PPA2: variants seen among roughly 807,000 people sequenced by gnomAD.
PPA2 encodes inorganic pyrophosphatase 2, mitochondrial.
PPA2 carries 48 observed loss-of-function variants against 49.5 expected under a neutral mutation model. That is an observed-to-expected ratio of 0.97 (90% CI 0.77 to 1.23). PPA2 has a LOEUF of 1.23. Among genes scored for constraint, PPA2 ranks in the 50% most tolerant of loss-of-function variants. The pLI, the probability that PPA2 is intolerant of heterozygous loss-of-function variation, is 0.00. For synonymous variants in PPA2, 131 were observed against 139.9 expected, an observed-to-expected ratio of 0.94 and a Z score of 0.45; for missense variants, 429 against 410.1, an observed-to-expected ratio of 1.05 and a Z score of -0.40.
Position 105,424,304 on chromosome 4 carries a change from C to T in PPA2, c.547G>A (p.Val183Ile), listed in dbSNP as rs767473451. 1.3e-6 allele frequency: 2 copies of T among 1,596,830 alleles called. No individual in the cohort carries two copies. Among genetic ancestry groups the T allele is most frequent in the Non-Finnish European group, 1.7e-6 (2 of 1,175,780 alleles). ...IGSKILSCGE[V>I]IHVKILGILA... ...ATTCCAAGGATCTTCACATGAATAACTTCTCCACAAGAAAGAATCTTTAAA... is the reference window on the plus strand; with the variant it reads ...ATTCCAAGGATCTTCACATGAATAATTTCTCCACAAGAAAGAATCTTTAAA... The change falls in exon 7 of 12, where the codon GTT (valine) becomes ATT (isoleucine). Residue 183 changes from valine (V) to isoleucine (I), a missense_variant. Val to Ile is a conservative substitution (Grantham distance 29). Coordinates refer to ENST00000341695, the MANE Select transcript of PPA2 (RefSeq NM_176869.3).
At chr4:105,449,501 G>C in intron 3 of PPA2, 98 bp from the exon 4 acceptor site, 2 of 680,010 alleles carry the variant, frequency 2.9e-6, no homozygotes, top group South Asian at 4.6e-5. Context: ...GTTTTCCCCC[G>C]ACAAAAAAAA....
chr4:105,449,366 G>T lies in PPA2; in HGVS notation c.305C>A (p.Thr102Lys). ...FNMIVEIPRW[T>K]NAKMEIATKE... ...TATCGGTACCTCCATTTTAGCATTT[G>T]TCCACCGAGGTATTTCTACAATCAT... The change falls in exon 4 of 12, where the codon ACA becomes AAA. Residue 102 changes from threonine (T) to lysine (K), a missense_variant. Coordinates refer to ENST00000341695, the MANE Select transcript of PPA2 (RefSeq NM_176869.3). 1.3e-6 allele frequency: 2 copies of T among 1,557,620 alleles called. No homozygotes were observed. Among genetic ancestry groups the T allele is most frequent in the Non-Finnish European group, 1.8e-6 (2 of 1,141,632 alleles).
intron 7 of PPA2, among the ~76,000 whole-genome samples, chr4:105,419,947 TTTTC>T (rs999998481): frequency 2.1e-4 from 26 of 121,604 alleles, no homozygotes; most frequent in African/African-American, 6.1e-4. Context: ...AACAGCTTCT[TTTTC>T]TTTCTTTTTT....
At chr4:105,411,295 G>A (rs915434675) in intron 7 of PPA2, among the ~76,000 whole-genome samples, 4 of 152,006 alleles carry the variant, frequency 2.6e-5, no homozygotes, top group South Asian at 2.1e-4. Context: ...AAACCAACAC[G>A]GATCAAAAGA....
At chr4:105,385,955 C>T (rs1469544479) in intron 10 of PPA2, among the ~76,000 whole-genome samples, 2 of 149,466 alleles carry the variant, frequency 1.3e-5, no homozygotes, top group African/African-American at 4.9e-5. Context: ...TCTTAGTTCA[C>T]TGCAACCTTT....
rs530962105 is a variant in PPA2, at chr4:105,435,156, CTA to C, written c.528+2792_528+2793del. 1.4e-3 allele frequency among the ~76,000 whole-genome samples: 212 copies of C among 152,280 alleles called. 2 individuals are homozygous for C. The highest frequency in any genetic ancestry group is 5.1e-3 in the African/African-American group (210 of 41,550). ...CGGTGTTAAAAGTGACTTCCTACCA[CTA>C]TGTTTCTTACAGCTGATTCAACCAC... is the stretch of plus-strand genomic sequence containing the variant. On this transcript the variant is annotated intron_variant, in intron 6 of 11. Coordinates refer to ENST00000341695, the MANE Select transcript of PPA2 (RefSeq NM_176869.3).
At chr4:105,383,600 T>C (rs1733577129) in intron 10 of PPA2, among the ~76,000 whole-genome samples, 1 of 152,188 alleles carries the variant, frequency 6.6e-6, no homozygotes, top group Admixed American at 6.5e-5. Context: ...GTTAACCATA[T>C]TCTAAAATCT....
intron 10 of PPA2, among the ~76,000 whole-genome samples, chr4:105,376,219 C>T (rs2713833): frequency 0.59 from 89,089 of 151,998 alleles, 26,285 homozygotes; most frequent in East Asian, 0.68. Context: ...TGATGTTAAC[C>T]GTCACTGGGA....
chr4:105,383,452 C>T (rs988171299), intron 10 of PPA2, among the ~76,000 whole-genome samples: 5 of 152,024 alleles, frequency 3.3e-5, no homozygotes, highest in African/African-American at 7.2e-5. Flanking sequence ...CAATTTGTTT[C>T]GTCTCAATGT....
At chr4:105,445,940 A>G (rs1722362210) in intron 5 of PPA2, among the ~76,000 whole-genome samples, 1 of 152,188 alleles carries the variant, frequency 6.6e-6, no homozygotes, top group Non-Finnish European at 1.5e-5. Context: ...GTGCAATTCA[A>G]TTTACAATGA....
chr4:105,466,584 C>G (rs192605621), intron 1 of PPA2, among the ~76,000 whole-genome samples: 1 of 152,206 alleles, frequency 6.6e-6, no homozygotes, highest in Non-Finnish European at 1.5e-5. Flanking sequence ...GAAGGAGAGG[C>G]TGAGGCAATT....
intron 6 of PPA2, among the ~76,000 whole-genome samples, chr4:105,435,142 G>A (rs1723990254): frequency 1.3e-5 from 2 of 152,104 alleles, no homozygotes; most frequent in African/African-American, 4.8e-5. Context: ...GGTGTTAAAA[G>A]TGACTTCCTA....
intron 7 of PPA2, among the ~76,000 whole-genome samples, chr4:105,419,127 T>C (rs911258356): frequency 4.1e-5 from 6 of 147,712 alleles, no homozygotes; most frequent in African/African-American, 1.6e-4. Context: ...AAAATGGTCT[T>C]AGTGCTCTGT....
Position 105,446,365 on chromosome 4 carries a change from T to C in PPA2, c.441+18A>G. On this transcript the variant is annotated intron_variant, in intron 5 of 11. Coordinates refer to ENST00000341695, the MANE Select transcript of PPA2 (RefSeq NM_176869.3). ...TTCAGAAGACAGGAACATTTTACCA[T>C]TGTAACAAAAATGTTACCTGAGGGA... is the stretch of plus-strand genomic sequence containing the variant. 3.2e-6 allele frequency: 5 copies of C among 1,539,704 alleles called. No homozygotes were observed. The highest frequency in any genetic ancestry group is 4.4e-6 in the Non-Finnish European group (5 of 1,144,048).
At chr4:105,414,039 T>A (rs1217730263) in intron 7 of PPA2, among the ~76,000 whole-genome samples, 1 of 152,218 alleles carries the variant, frequency 6.6e-6, no homozygotes, top group African/African-American at 2.4e-5. Flanking sequence ...GCAAACAATT[T>A]ACATACTCAA....
chr4:105,409,004 T>C (rs1470875134), intron 7 of PPA2, among the ~76,000 whole-genome samples: 1 of 152,140 alleles, frequency 6.6e-6, no homozygotes, highest in Non-Finnish European at 1.5e-5. Context: ...ATGGGTGATA[T>C]CTGCATTTCA....
chr4:105,467,640 G>A (rs1013103003), intron 1 of PPA2, among the ~76,000 whole-genome samples: 5 of 151,266 alleles, frequency 3.3e-5, no homozygotes, highest in African/African-American at 9.7e-5. Context: ...TGAAGAATCA[G>A]GAGGTTACAA....
At chr4:105,444,675 T>C (rs544577387) in intron 5 of PPA2, among the ~76,000 whole-genome samples, 193 of 152,316 alleles carry the variant, frequency 1.3e-3, no homozygotes, top group African/African-American at 4.6e-3. Context: ...CCTTCTCTCT[T>C]TCCTGTCAAT....
Position 105,391,263 on chromosome 4 carries a change from G to A in PPA2, c.870-4627C>T, listed in dbSNP as rs928146752. ...TAATACCTAGGTGATGGGTTGATGG[G>A]TGCAGCAAACCACCATGGCACATGT... On this transcript the variant is annotated intron_variant, in intron 9 of 11. Coordinates refer to ENST00000341695, the MANE Select transcript of PPA2 (RefSeq NM_176869.3). 2.0e-5 allele frequency among the ~76,000 whole-genome samples: 3 copies of A among 146,994 alleles called. No homozygotes were observed. In the Admixed American group the frequency reaches 2.1e-4, roughly 11 times the overall value.
Sources: allele counts gnomAD v4.1 joint callset (sites outside exome capture counted in the v4.1 genomes callset), GRCh38; gene constraint gnomAD v4.1.1; transcripts MANE v1.5; gene names NCBI Gene and HGNC (gene_info 2026-07-23, HGNC 2026-07-21).